DCAF8L2: variants seen among roughly 807,000 people sequenced by gnomAD.
DCAF8L2 encodes DDB1- and CUL4-associated factor 8-like protein 2.
For missense variants in DCAF8L2, 430 were observed against 490.7 expected (o/e 0.88, Z 1.17); for synonymous variants, 200 against 190.9 (o/e 1.05, Z -0.39).
intron 4 of DCAF8L2, among the ~76,000 whole-genome samples, chrX:27,719,136 T>A (rs1931801879): frequency 9.0e-6 from 1 of 111,299 alleles, no homozygotes; most frequent in Admixed American, 9.6e-5. Flanking sequence ...ATTGGCAAAT[T>A]TTTTTCAAAA....
chrX:27,488,348 C>T, the DCAF8L2 span, among the ~76,000 whole-genome samples: 1 of 111,595 alleles, frequency 9.0e-6, no homozygotes, highest in Non-Finnish European at 1.9e-5. Context: ...GTTATCTGTG[C>T]TCTTCCTGAG....
chrX:27,647,455 G>T (rs1477835451), intron 2 of DCAF8L2, among the ~76,000 whole-genome samples: 1 of 111,492 alleles, frequency 9.0e-6, no homozygotes, highest in Admixed American at 9.6e-5. Flanking sequence ...ACTAATGCAT[G>T]CTGGGCTTAA....
At chrX:27,506,417 C>T in the DCAF8L2 span, among the ~76,000 whole-genome samples, 51 of 111,572 alleles carry the variant, frequency 4.6e-4, no homozygotes, top group Middle Eastern at 4.7e-3. Context: ...AAGAAAGTCT[C>T]ACAAACTTGG....
the DCAF8L2 span, among the ~76,000 whole-genome samples, chrX:27,471,900 C>T: frequency 9.1e-6 from 1 of 109,868 alleles, no homozygotes; most frequent in Non-Finnish European, 1.9e-5. Flanking sequence ...ATAGTGGAAA[C>T]ATTTCATGAT....
intron 1 of DCAF8L2, among the ~76,000 whole-genome samples, chrX:27,598,137 A>T (rs1926444442): frequency 8.9e-6 from 1 of 112,509 alleles, no homozygotes; most frequent in African/African-American, 3.2e-5. Context: ...AATGAATTGG[A>T]AAATTTGAAG....
chrX:27,502,331 AAAAAATATATATATAT>A, the DCAF8L2 span, among the ~76,000 whole-genome samples: 16 of 29,602 alleles, frequency 5.4e-4, no homozygotes, highest in African/African-American at 1.6e-3. Flanking sequence ...AAAAAAAAAA[AAAAAATATATATATAT>A]ATATATATAT....
At chrX:27,710,694 A>G (rs987366513) in intron 3 of DCAF8L2, among the ~76,000 whole-genome samples, 2 of 112,747 alleles carry the variant, frequency 1.8e-5, no homozygotes, top group Non-Finnish European at 3.8e-5. Context: ...GCATGTGTAT[A>G]TAGTTTTACT....
At chrX:27,662,494 A>G (rs2147213874) in intron 2 of DCAF8L2, among the ~76,000 whole-genome samples, 1 of 111,955 alleles carries the variant, frequency 8.9e-6, no homozygotes, top group Admixed American at 9.5e-5. Context: ...TTTCTTTTGT[A>G]AATTTATCAT....
intron 2 of DCAF8L2, among the ~76,000 whole-genome samples, chrX:27,657,746 T>G (rs964720294): frequency 8.9e-6 from 1 of 112,199 alleles, no homozygotes; most frequent in Non-Finnish European, 1.9e-5. Context: ...AATTAATGAA[T>G]TAAATTTCCA....
chrX:27,685,173 C>A lies in DCAF8L2; in HGVS notation c.-143+7261C>A, dbSNP rs750371219. Among the ~76,000 whole-genome samples the A allele has an allele frequency of 7.2e-5, 8 of 111,547 alleles. No homozygotes were observed. In the South Asian group the frequency reaches 3.0e-3, roughly 42 times the overall value. On this transcript the variant is annotated intron_variant, in intron 3 of 4. Coordinates refer to ENST00000451261, the MANE Select transcript of DCAF8L2 (RefSeq NM_001353450.2). Reference sequence around the variant, plus strand: ...TTGATACCTCATGAATAAATCAAGACGAGTTTTTGTTTTCCAATTCTATCT... The same window carrying A: ...TTGATACCTCATGAATAAATCAAGAAGAGTTTTTGTTTTCCAATTCTATCT...
At chrX:27,681,727 A>C (rs1010401673) in intron 3 of DCAF8L2, among the ~76,000 whole-genome samples, 5 of 111,750 alleles carry the variant, frequency 4.5e-5, no homozygotes, top group Non-Finnish European at 7.5e-5. Context: ...GAAATAGTCA[A>C]CATTTTAAGC....
At chrX:27,489,466 T>C in the DCAF8L2 span, among the ~76,000 whole-genome samples, 1 of 112,796 alleles carries the variant, frequency 8.9e-6, no homozygotes, top group Non-Finnish European at 1.9e-5. Context: ...ATTTTAACAA[T>C]AGTAAACTTT....
At chrX:27,607,516 CT>C (rs1292003429) in intron 1 of DCAF8L2, among the ~76,000 whole-genome samples, 7 of 111,402 alleles carry the variant, frequency 6.3e-5, no homozygotes, top group Non-Finnish European at 1.3e-4. Context: ...GGCTGAGTCT[CT>C]TAAACAAGAT....
At chrX:27,686,779 A>G (rs982778730) in intron 3 of DCAF8L2, among the ~76,000 whole-genome samples, 4 of 112,240 alleles carry the variant, frequency 3.6e-5, no homozygotes, top group Admixed American at 9.4e-5. Context: ...GTGGTCCCCA[A>G]CGTTTTTGGC....
chrX:27,596,686 T>A (rs1322074511), intron 1 of DCAF8L2, among the ~76,000 whole-genome samples: 2 of 111,091 alleles, frequency 1.8e-5, no homozygotes, highest in Non-Finnish European at 3.8e-5. Context: ...ATGAGAAGAA[T>A]CCCATAAAAA....
the DCAF8L2 span, among the ~76,000 whole-genome samples, chrX:27,556,510 G>A: frequency 8.9e-6 from 1 of 111,882 alleles, no homozygotes; most frequent in Non-Finnish European, 1.9e-5. Context: ...CTGAAAAATG[G>A]TCTAGTTGTT....
At chrX:27,736,746 G>C (rs1446793470) in intron 4 of DCAF8L2, among the ~76,000 whole-genome samples, 1 of 111,849 alleles carries the variant, frequency 8.9e-6, no homozygotes, top group African/African-American at 3.3e-5. Context: ...GAAAGCAGCA[G>C]TTCTCAAAGT....
upstream of DCAF8L2, among the ~76,000 whole-genome samples, chrX:27,588,279 C>T (rs771568691): frequency 4.6e-5 from 5 of 109,756 alleles, no homozygotes; most frequent in East Asian, 1.4e-3. Context: ...CATTAATTCA[C>T]TTAGGATAAT....
At chrX:27,682,053 C>T (rs969101727) in intron 3 of DCAF8L2, among the ~76,000 whole-genome samples, 1 of 111,128 alleles carries the variant, frequency 9.0e-6, no homozygotes, top group Non-Finnish European at 1.9e-5. Context: ...AGCCTTGTAG[C>T]CCTGGGCTTG....
Sources: allele counts gnomAD v4.1 joint callset (sites outside exome capture counted in the v4.1 genomes callset), GRCh38; gene constraint gnomAD v4.1.1; transcripts MANE v1.5; gene names NCBI Gene and HGNC (gene_info 2026-07-23, HGNC 2026-07-21).